PCCA: variants seen among roughly 807,000 people sequenced by gnomAD.
PCCA encodes propionyl-CoA carboxylase subunit alpha.
A neutral mutation model predicts 101.3 loss-of-function variants in PCCA; 74 were observed. That is an observed-to-expected ratio of 0.73 (90% confidence interval 0.61 to 0.89). The LOEUF (loss-of-function observed/expected upper bound fraction) is 0.89, where lower values mean the gene tolerates loss of function less well. PCCA is among the 40% of genes least tolerant of loss of function. PCCA has a pLI of 0.00. For synonymous variants in PCCA, 294 were observed against 313.6 expected (o/e 0.94, Z 0.66); for missense variants, 891 against 907.0 (o/e 0.98, Z 0.23).
chr13:100,202,978 A>G (rs557054593), intron 6 of PCCA, among the ~76,000 whole-genome samples: 1 of 152,200 alleles, frequency 6.6e-6, no homozygotes, highest in African/African-American at 2.4e-5. Flanking sequence ...TTGTTTTGAA[A>G]TATTAGATGA....
intron 6 of PCCA, among the ~76,000 whole-genome samples, chr13:100,182,088 T>C (rs1222929053): frequency 2.0e-5 from 3 of 146,516 alleles, no homozygotes; most frequent in African/African-American, 7.7e-5. Context: ...AATATTGTTT[T>C]TTTCTTTTTC....
At chr13:100,299,146 A>G (rs756710521) in intron 12 of PCCA, among the ~76,000 whole-genome samples, 56 of 152,110 alleles carry the variant, frequency 3.7e-4, no homozygotes, top group Non-Finnish European at 6.5e-4. Context: ...TATTTTAGTT[A>G]TCTGCTTAGT....
intron 8 of PCCA, among the ~76,000 whole-genome samples, chr13:100,240,855 T>G (rs1241111224): frequency 3.9e-5 from 6 of 152,202 alleles, no homozygotes; most frequent in South Asian, 2.1e-4. Context: ...GTATACAGTT[T>G]TGTTATTTTG....
At chr13:100,142,554 A>C (rs553335104) in intron 4 of PCCA, among the ~76,000 whole-genome samples, 1 of 150,780 alleles carries the variant, frequency 6.6e-6, no homozygotes, top group African/African-American at 2.4e-5. Context: ...GGCTCATGCA[A>C]CCTCCGCCTC....
intron 19 of PCCA, among the ~76,000 whole-genome samples, chr13:100,396,661 CA>C (rs2077058534): frequency 1.3e-5 from 2 of 152,110 alleles, no homozygotes; most frequent in African/African-American, 4.8e-5. Flanking sequence ...AAAAATAAGA[CA>C]AAAAATAAAA....
chr13:100,328,801 C>G (rs2069091773), intron 16 of PCCA, among the ~76,000 whole-genome samples: 1 of 143,166 alleles, frequency 7.0e-6, no homozygotes, highest in Non-Finnish European at 1.5e-5. Context: ...TCAAGCGATT[C>G]TCCTGCCTCA....
chr13:100,142,814 C>T (rs2152347887), intron 4 of PCCA, among the ~76,000 whole-genome samples: 1 of 152,194 alleles, frequency 6.6e-6, no homozygotes, highest in East Asian at 1.9e-4. Flanking sequence ...TGTGGTTGTC[C>T]TAGTATGAGG....
chr13:100,391,963 G>A (rs2076820380), intron 19 of PCCA, among the ~76,000 whole-genome samples: 1 of 152,126 alleles, frequency 6.6e-6, no homozygotes, highest in Non-Finnish European at 1.5e-5. Flanking sequence ...ATATTTGGAA[G>A]CAGAATTAGC....
rs1373030674 is a variant in PCCA at position 100,530,310 on chromosome 13, T to C, written c.*144T>C. On this transcript the variant is annotated 3_prime_UTR_variant, in exon 24 of 24. Coordinates refer to ENST00000376285, the MANE Select transcript of PCCA (RefSeq NM_000282.4). ...ATTTATTCCACAGAGTCAAGACCAA[T>C]ATTCTGCCAAAAAATCACCAATGGA... The C allele has an allele frequency of 4.2e-6, 3 of 720,552 alleles. No homozygotes were observed. In the African/African-American group the frequency reaches 5.3e-5, roughly 13 times the overall value. 44.6% of individuals were successfully genotyped at this position (720,552 alleles called of 1,614,324 possible).
intron 16 of PCCA, among the ~76,000 whole-genome samples, chr13:100,312,817 C>G (rs2067029118): frequency 6.6e-6 from 1 of 152,194 alleles, no homozygotes; most frequent in African/African-American, 2.4e-5. Context: ...GTAGTACATT[C>G]TCATATCACT....
intron 17 of PCCA, among the ~76,000 whole-genome samples, chr13:100,333,111 C>T (rs1238771199): frequency 1.3e-5 from 2 of 152,196 alleles, no homozygotes; most frequent in Non-Finnish European, 2.9e-5. Context: ...ATGTCTCCCT[C>T]TTGTTTTATT....
At chr13:100,207,380 A>G (rs1473133488) in intron 6 of PCCA, among the ~76,000 whole-genome samples, 1 of 151,854 alleles carries the variant, frequency 6.6e-6, no homozygotes, top group Non-Finnish European at 1.5e-5. Context: ...CACAACTTTT[A>G]TTTTTGTATT....
At chr13:100,462,486 G>A (rs80061285) in intron 21 of PCCA, among the ~76,000 whole-genome samples, 15,744 of 152,192 alleles carry the variant, frequency 0.1, 1,357 homozygotes, top group African/African-American at 0.23. Context: ...CATGGTATCA[G>A]TGCTGAGATG....
intron 4 of PCCA, among the ~76,000 whole-genome samples, chr13:100,145,276 G>C (rs2052390452): frequency 2.0e-5 from 3 of 152,178 alleles, no homozygotes; most frequent in African/African-American, 7.2e-5. Context: ...ATGGGTTAGA[G>C]GACTCTGTCA....
intron 8 of PCCA, among the ~76,000 whole-genome samples, chr13:100,241,624 C>G (rs1020842878): frequency 2.6e-5 from 4 of 152,108 alleles, no homozygotes; most frequent in Non-Finnish European, 5.9e-5. Context: ...GTGTGTGCCA[C>G]TATGCCTAAT....
chr13:100,487,174 G>T (rs956273093), intron 21 of PCCA, among the ~76,000 whole-genome samples: 1 of 152,204 alleles, frequency 6.6e-6, no homozygotes, highest in African/African-American at 2.4e-5. Context: ...AGAGGCCTCA[G>T]CAGTATTACT....
At chr13:100,425,444 C>T (rs2079075017) in intron 19 of PCCA, among the ~76,000 whole-genome samples, 189 bp from the exon 20 acceptor site, 1 of 152,240 alleles carries the variant, frequency 6.6e-6, no homozygotes, top group South Asian at 2.1e-4. Context: ...ACAGGTCCTT[C>T]ACCTCTCCCC....
At chr13:100,293,789 TA>T (rs1228697861) in intron 12 of PCCA, among the ~76,000 whole-genome samples, 5 of 152,204 alleles carry the variant, frequency 3.3e-5, no homozygotes, top group African/African-American at 1.2e-4. Context: ...TACCCTCCCT[TA>T]TTATTTACTG....
In PCCA at chr13:100,094,673, C is replaced by T. The variant is rs150409000; in HGVS notation, c.105+5448C>T. Among the ~76,000 whole-genome samples, 1,084 of 152,252 alleles carry T rather than the reference C, an allele frequency of 7.1e-3. 12 individuals carry two copies. Among genetic ancestry groups the T allele is most frequent in the African/African-American group, 0.024 (993 of 41,538 alleles). ...TGTGATCTCCGCTCACGGCAACCTC[C>T]GCCTCCGGGGTTCAAGTGATTCTCC... On this transcript the variant is annotated intron_variant, in intron 1 of 23. Coordinates refer to ENST00000376285, the MANE Select transcript of PCCA (RefSeq NM_000282.4).
Sources: allele counts gnomAD v4.1 joint callset (sites outside exome capture counted in the v4.1 genomes callset), GRCh38; gene constraint gnomAD v4.1.1; transcripts MANE v1.5; gene names NCBI Gene and HGNC (gene_info 2026-07-23, HGNC 2026-07-21).